Variants in ZFPM2 observed in about 807,000 individuals in gnomAD.
The protein encoded by ZFPM2 is zinc finger protein, FOG family member 2, also known as zinc finger protein ZFPM2.
A neutral mutation model predicts 98.6 loss-of-function variants in ZFPM2; 20 were observed. The ratio of observed to expected loss-of-function variants is 0.20; its 90% CI spans 0.14 to 0.29. The LOEUF (loss-of-function observed/expected upper bound fraction) is 0.29. ZFPM2 is among the 10% of genes least tolerant of loss of function. ZFPM2 has a pLI of 1.00. For missense variants in ZFPM2, 1,310 were observed against 1,388.6 expected (o/e 0.94, Z 0.90); for synonymous variants, 518 against 502.7 (o/e 1.03, Z -0.41).
intron 6 of ZFPM2, among the ~76,000 whole-genome samples, chr8:105,797,811 C>T (rs549485141): frequency 6.6e-6 from 1 of 152,240 alleles, no homozygotes; most frequent in Non-Finnish European, 1.5e-5. Context: ...CCTCCCTCCA[C>T]TCCTGCCATC....
At chr8:105,466,036 G>A (rs1209994261) in intron 3 of ZFPM2, among the ~76,000 whole-genome samples, 2 of 151,920 alleles carry the variant, frequency 1.3e-5, no homozygotes, top group African/African-American at 2.4e-5. Context: ...TCTTTCTGTT[G>A]TAGGAAATAG....
At chr8:105,490,093 A>C (rs1813328592) in intron 3 of ZFPM2, among the ~76,000 whole-genome samples, 1 of 151,992 alleles carries the variant, frequency 6.6e-6, no homozygotes. Context: ...CTAAAAATAC[A>C]AAAATTAGCT....
chr8:105,380,749 T>C (rs1175949707), intron 1 of ZFPM2, among the ~76,000 whole-genome samples: 1 of 39,714 alleles, frequency 2.5e-5, no homozygotes, highest in Non-Finnish European at 3.8e-5. Context: ...TATATATATG[T>C]TATATATAAC....
intron 2 of ZFPM2, among the ~76,000 whole-genome samples, chr8:105,421,787 T>G (rs1330391588): frequency 6.6e-6 from 1 of 152,162 alleles, no homozygotes; most frequent in Non-Finnish European, 1.5e-5. Flanking sequence ...GGCCGGTGAC[T>G]CACGCCTGTA....
chr8:105,431,089 G>A (rs1586366841), intron 2 of ZFPM2, among the ~76,000 whole-genome samples: 1 of 151,692 alleles, frequency 6.6e-6, no homozygotes. Flanking sequence ...TGTATTTTTA[G>A]TAGAGACTGG....
chr8:105,753,428 G>T (rs1369186762), intron 5 of ZFPM2, among the ~76,000 whole-genome samples: 1 of 152,000 alleles, frequency 6.6e-6, no homozygotes, highest in Non-Finnish European at 1.5e-5. Flanking sequence ...GCTGTTCTTG[G>T]GAATAGTCTT....
intron 3 of ZFPM2, among the ~76,000 whole-genome samples, chr8:105,512,609 T>A (rs1813839543): frequency 6.6e-6 from 1 of 152,212 alleles, no homozygotes; most frequent in Non-Finnish European, 1.5e-5. Context: ...CCAGAAGTTT[T>A]ATTTATGTTA....
chr8:105,528,425 A>G (rs556559734), intron 3 of ZFPM2, among the ~76,000 whole-genome samples: 2 of 152,216 alleles, frequency 1.3e-5, no homozygotes, highest in South Asian at 2.1e-4. Flanking sequence ...AGGTCAGGGG[A>G]AAAAGGGAGA....
intron 2 of ZFPM2, among the ~76,000 whole-genome samples, chr8:105,432,570 C>G (rs1812041762): frequency 6.6e-6 from 1 of 152,076 alleles, no homozygotes; most frequent in South Asian, 2.1e-4. Context: ...TGGTTTCTTG[C>G]TAGCAGAACA....
At chr8:105,592,603 G>GCA (rs1428803114) in intron 4 of ZFPM2, among the ~76,000 whole-genome samples, 2 of 151,880 alleles carry the variant, frequency 1.3e-5, no homozygotes. Flanking sequence ...AAACCCATAT[G>GCA]CACACACATA....
chr8:105,794,353 T>C lies in ZFPM2; in HGVS notation c.740-4371T>C, dbSNP rs142082696. ...TTTGCTAGAGGTCCACTCCAGATGC[T>C]GTTTGCCTAGGTAGCAGCAGCGGTG... is the stretch of plus-strand genomic sequence containing the variant. On this transcript the variant is annotated intron_variant, in intron 6 of 7. Transcript: ENST00000407775. Among the ~76,000 whole-genome samples, 1,392 of 152,314 alleles carry C rather than the reference T, an allele frequency of 9.1e-3. 19 individuals are homozygous for C. Among genetic ancestry groups the C allele is most frequent in the African/African-American group, 0.025 (1,028 of 41,572 alleles).
At chr8:105,326,592 T>C (rs893389782) in intron 1 of ZFPM2, among the ~76,000 whole-genome samples, 1 of 151,738 alleles carries the variant, frequency 6.6e-6, no homozygotes, top group African/African-American at 2.4e-5. Flanking sequence ...TAATGCTATT[T>C]ATTATTTAAT....
intron 3 of ZFPM2, among the ~76,000 whole-genome samples, chr8:105,548,416 A>G (rs750205718): frequency 2.2e-4 from 34 of 152,270 alleles, no homozygotes; most frequent in Non-Finnish European, 4.3e-4. Flanking sequence ...CATGTTTACA[A>G]TATTGAACGA....
At chr8:105,375,465 TG>T (rs1810706276) in intron 1 of ZFPM2, among the ~76,000 whole-genome samples, 1 of 152,152 alleles carries the variant, frequency 6.6e-6, no homozygotes, top group Non-Finnish European at 1.5e-5. Flanking sequence ...GTGAAGACTC[TG>T]GTCTCTTACT....
At chr8:105,752,133 G>A (rs1414919890) in intron 5 of ZFPM2, among the ~76,000 whole-genome samples, 1 of 151,962 alleles carries the variant, frequency 6.6e-6, no homozygotes, top group Non-Finnish European at 1.5e-5. Context: ...ATAAAAAAAT[G>A]CATTACTGTA....
intron 4 of ZFPM2, among the ~76,000 whole-genome samples, chr8:105,600,968 G>C (rs754396834): frequency 2.0e-5 from 3 of 151,882 alleles, no homozygotes; most frequent in South Asian, 4.2e-4. Context: ...ATATTTTGTT[G>C]TGCACTAAGT....
chr8:105,359,941 C>A (rs1049115045), intron 1 of ZFPM2, among the ~76,000 whole-genome samples: 5 of 152,188 alleles, frequency 3.3e-5, no homozygotes, highest in Non-Finnish European at 5.9e-5. Context: ...GGAAAGCCCA[C>A]AGTCTTCTCT....
intron 3 of ZFPM2, among the ~76,000 whole-genome samples, chr8:105,511,968 CA>C (rs1468079101): frequency 1.3e-5 from 2 of 152,052 alleles, no homozygotes. Context: ...CAACATGGTG[CA>C]ACCCCATCTC....
At chr8:105,714,666 T>A (rs1811476908) in intron 5 of ZFPM2, among the ~76,000 whole-genome samples, 2 of 152,082 alleles carry the variant, frequency 1.3e-5, no homozygotes, top group Admixed American at 1.3e-4. Context: ...CCATATAATG[T>A]ATGCTACTGA....
Sources: gnomAD v4.1 joint callset for allele counts (sites outside exome capture counted in the v4.1 genomes callset) on GRCh38, gnomAD v4.1.1 for gene constraint, MANE v1.5 for transcripts, NCBI Gene and HGNC (gene_info 2026-07-23, HGNC 2026-07-21) for gene names.